RFC3: variants seen among roughly 807,000 people sequenced by gnomAD.
RFC3 encodes the protein A1 38 kDa subunit.
Under a neutral mutation model 45.1 loss-of-function variants are expected in RFC3, and 41 were observed. The ratio of observed to expected loss-of-function variants is 0.91; its 90% CI spans 0.71 to 1.18. The LOEUF (loss-of-function observed/expected upper bound fraction) is 1.18. Among genes scored for constraint, RFC3 ranks in the 50% most tolerant of loss-of-function variants. The pLI is 0.00. For synonymous variants in RFC3, 149 were observed against 144.0 expected (o/e 1.03, Z -0.25); for missense variants, 423 against 428.1 (o/e 0.99, Z 0.10).
At chr13:33,936,728 A>G (rs1430354863) in intron 8 of RFC3, among the ~76,000 whole-genome samples, 1 of 152,304 alleles carries the variant, frequency 6.6e-6, no homozygotes, top group Admixed American at 6.5e-5. Flanking sequence ...AATCCTGCCG[A>G]CATCTTGATC....
chr13:33,938,664 T>A (rs761681293), intron 8 of RFC3, among the ~76,000 whole-genome samples: 2 of 152,204 alleles, frequency 1.3e-5, no homozygotes, highest in Non-Finnish European at 2.9e-5. Context: ...TGTATGAATA[T>A]ATCACAATTC....
intron 8 of RFC3, among the ~76,000 whole-genome samples, chr13:33,846,011 C>A (rs2082234307): frequency 6.6e-6 from 1 of 152,208 alleles, no homozygotes; most frequent in Non-Finnish European, 1.5e-5. Context: ...TGCTGTGACT[C>A]TTTCAGGCTC....
chr13:33,948,108 A>T (rs954384633), intron 8 of RFC3, among the ~76,000 whole-genome samples: 3 of 152,196 alleles, frequency 2.0e-5, no homozygotes, highest in African/African-American at 7.2e-5. Flanking sequence ...AGCCCCTTCC[A>T]TCACAGACCG....
chr13:33,934,366 A>G (rs2082872708), intron 8 of RFC3, among the ~76,000 whole-genome samples: 1 of 151,964 alleles, frequency 6.6e-6, no homozygotes, highest in Non-Finnish European at 1.5e-5. Context: ...ACAATAATTG[A>G]TAGAAGGAAG....
chr13:33,956,154 CCT>C (rs2083020816), intron 8 of RFC3, among the ~76,000 whole-genome samples: 1 of 152,166 alleles, frequency 6.6e-6, no homozygotes, highest in Non-Finnish European at 1.5e-5. Flanking sequence ...TATCTTGCCT[CCT>C]CTTGGAAAGA....
intron 8 of RFC3, among the ~76,000 whole-genome samples, chr13:33,964,305 G>A (rs2083074773): frequency 6.6e-6 from 1 of 152,174 alleles, no homozygotes; most frequent in African/African-American, 2.4e-5. Flanking sequence ...CTTTTTAAAA[G>A]CAATTATCAA....
chr13:33,824,350 T>A (rs1048750136), intron 3 of RFC3, among the ~76,000 whole-genome samples: 1 of 152,144 alleles, frequency 6.6e-6, no homozygotes, highest in African/African-American at 2.4e-5. Context: ...GAAATTGACT[T>A]TGGGTTGCCA....
chr13:33,925,620 A>ATACATACATATATAGTGTACTATG (rs2082805952), intron 8 of RFC3, among the ~76,000 whole-genome samples: 1 of 151,176 alleles, frequency 6.6e-6, no homozygotes, highest in Admixed American at 6.6e-5. Context: ...AGTGTACTAT[A>ATACATACATATATAGTGTACTATG]TACATACATA....
chr13:33,847,651 ATTT>A (rs111715361), intron 8 of RFC3: 2 of 151,198 alleles, frequency 1.3e-5, no homozygotes, highest in Non-Finnish European at 2.9e-5. Context: ...CTCTTTACAC[ATTT>A]TTTAAGTGTT....
At chr13:33,890,303 G>A (rs1393252027) in intron 8 of RFC3, among the ~76,000 whole-genome samples, 2 of 152,100 alleles carry the variant, frequency 1.3e-5, no homozygotes, top group Non-Finnish European at 2.9e-5. Flanking sequence ...TTCCATTTGT[G>A]CTGATGATCT....
At chr13:33,955,578 C>T (rs1446465993) in intron 8 of RFC3, among the ~76,000 whole-genome samples, 1 of 152,146 alleles carries the variant, frequency 6.6e-6, no homozygotes, top group Non-Finnish European at 1.5e-5. Flanking sequence ...CCCTGCCTCT[C>T]AAAAACACTG....
At chr13:33,824,101 T>C (rs1005174136) in intron 3 of RFC3, 117 bp downstream of exon 3, 47 of 552,790 alleles carry the variant, frequency 8.5e-5, no homozygotes, top group Non-Finnish European at 1.3e-4. Context: ...AAGCACAGTT[T>C]ATAAAACAGA....
At chr13:33,913,292 C>T (rs561816663) in intron 8 of RFC3, among the ~76,000 whole-genome samples, 1 of 152,162 alleles carries the variant, frequency 6.6e-6, no homozygotes, top group South Asian at 2.1e-4. Context: ...GAGTGCCTAG[C>T]CAGGCACTGG....
intron 8 of RFC3, among the ~76,000 whole-genome samples, chr13:33,919,091 A>T (rs9563930): frequency 0.071 from 10,872 of 152,130 alleles, 646 homozygotes; most frequent in African/African-American, 0.16. Context: ...TTCAGATGAG[A>T]TTTCTGGAGG....
At chr13:33,957,170 A>C in intron 8 of RFC3, among the ~76,000 whole-genome samples, 1 of 152,118 alleles carries the variant, frequency 6.6e-6, no homozygotes, top group Non-Finnish European at 1.5e-5. Flanking sequence ...TAGGTTATTT[A>C]TTTCTTTCTC....
chr13:33,932,863 G>A (rs528863495), intron 8 of RFC3, among the ~76,000 whole-genome samples: 6 of 152,240 alleles, frequency 3.9e-5, no homozygotes, highest in South Asian at 2.1e-4. Flanking sequence ...TGACAACAAC[G>A]ACTGGCTTTT....
chr13:33,867,622 T>A lies in RFC3; in HGVS notation c.879+32405T>A, dbSNP rs1351935337. Among the ~76,000 whole-genome samples, 4 of 152,162 alleles carry A rather than the reference T, an allele frequency of 2.6e-5. No homozygotes were observed. In the South Asian group the frequency reaches 8.3e-4, roughly 32 times the overall value. Reference sequence around the variant, plus strand: ...AGCATCCTATTATTACTTTATCAAGTGGTGAAAATTAATGAAAAATTACAG... The same window carrying A: ...AGCATCCTATTATTACTTTATCAAGAGGTGAAAATTAATGAAAAATTACAG... On this transcript the variant is annotated intron_variant, in intron 8 of 8. Coordinates refer to the RFC3 transcript ENST00000434425.
chr13:33,820,222 A>G (rs1036543179), intron 1 of RFC3, among the ~76,000 whole-genome samples: 5 of 152,236 alleles, frequency 3.3e-5, no homozygotes, highest in African/African-American at 1.2e-4. Flanking sequence ...ATCAGCAGAT[A>G]CTGTTAGTGC....
chr13:33,955,875 T>C (rs2083018927), intron 8 of RFC3, among the ~76,000 whole-genome samples: 1 of 152,204 alleles, frequency 6.6e-6, no homozygotes, highest in African/African-American at 2.4e-5. Flanking sequence ...ATGCAGCATG[T>C]CCTAAACAAC....
Sources: gnomAD v4.1 joint callset for allele counts (sites outside exome capture counted in the v4.1 genomes callset) on GRCh38, gnomAD v4.1.1 for gene constraint, MANE v1.5 for transcripts, NCBI Gene and HGNC (gene_info 2026-07-23, HGNC 2026-07-21) for gene names.